Variants in WWOX observed in about 807,000 individuals in gnomAD.
The protein encoded by WWOX is WW domain-containing oxidoreductase.
A neutral mutation model predicts 46.2 loss-of-function variants in WWOX; 69 were observed. The ratio of observed to expected loss-of-function variants is 1.49; its 90% CI spans 1.23 to 1.82. The LOEUF is 1.82. WWOX is among the 40% of genes most tolerant of loss of function. WWOX has a pLI of 0.00. For synonymous variants in WWOX, 359 were observed against 202.6 expected, an observed-to-expected ratio of 1.77 and a Z score of -6.56; for missense variants, 919 against 542.6, an observed-to-expected ratio of 1.69 and a Z score of -6.89.
intron 8 of WWOX, among the ~76,000 whole-genome samples, chr16:78,726,384 C>G (rs751315833): frequency 6.6e-6 from 1 of 151,926 alleles, no homozygotes; most frequent in Non-Finnish European, 1.5e-5. Flanking sequence ...CACCACCACA[C>G]GTGGCGTATT....
At chr16:78,261,278 G>C (rs56351211) in intron 5 of WWOX, among the ~76,000 whole-genome samples, 63,966 of 142,944 alleles carry the variant, frequency 0.45, 15,318 homozygotes, top group East Asian at 0.76. Flanking sequence ...TAGATAGATA[G>C]ATAGATACAT....
rs193027041 is a variant in WWOX, at chr16:78,115,151, A to G, written c.406A>G (p.Ile136Val). Residue 136 changes from isoleucine to valine, a missense_variant, in exon 4 of 9, where the codon ATA becomes GTA. Coordinates refer to ENST00000566780, the MANE Select transcript of WWOX (RefSeq NM_016373.4). ...VVVVTGANSG[I>V]GFETAKSFAL... ...TGTGGTCACTGGAGCTAATTCAGGA[A>G]TAGGTAGGCTCTTCACTTAGTTATT... The G allele has an allele frequency of 8.3e-5, 134 of 1,614,228 alleles. No individual in the cohort carries two copies. The highest frequency in any genetic ancestry group is 6.6e-4 in the Middle Eastern group (4 of 6,062).
Position 78,318,272 on chromosome 16 carries a change from A to ATTTTTTTTTTTTTTT in WWOX, c.517-68585_517-68571dup, listed in dbSNP as rs34730954. On this transcript the variant is annotated intron_variant, in intron 5 of 8. Transcript: ENST00000566780. ...CTTAGGAGCCCTCCGTCTGGGAGGA[A>ATTTTTTTTTTTTTTT]TTTTTTTTTTTTTTTTTGGTATATC... is the stretch of plus-strand genomic sequence containing the variant. Among the ~76,000 whole-genome samples the ATTTTTTTTTTTTTTT allele has an allele frequency of 7.8e-4, 96 of 123,536 alleles. 1 individual carries two copies. The highest frequency in any genetic ancestry group is 2.7e-3 in the African/African-American group (84 of 31,218). 81.0% of individuals were successfully genotyped at this position (123,536 alleles called of 152,430 possible). A position where few individuals can be genotyped will look rare whatever the true frequency, so the allele number is the denominator to read the frequency against.
chr16:78,910,435 C>A (rs1000460541), intron 8 of WWOX, among the ~76,000 whole-genome samples: 2 of 151,768 alleles, frequency 1.3e-5, no homozygotes, highest in African/African-American at 4.8e-5. Flanking sequence ...TTCCTCACTG[C>A]AGGAGAACCT....
At chr16:78,991,429 A>G (rs2046884181) in intron 8 of WWOX, among the ~76,000 whole-genome samples, 1 of 152,014 alleles carries the variant, frequency 6.6e-6, no homozygotes, top group African/African-American at 2.4e-5. Context: ...CTTCATCTCT[A>G]TAAATAATAA....
At chr16:78,434,515 G>T (rs1161353493) in intron 8 of WWOX, among the ~76,000 whole-genome samples, 1 of 152,200 alleles carries the variant, frequency 6.6e-6, no homozygotes, top group African/African-American at 2.4e-5. Context: ...ATTTAGGAAT[G>T]GGGAGAGGAG....
chr16:78,335,693 C>T (rs897479459), intron 5 of WWOX, among the ~76,000 whole-genome samples: 1 of 152,164 alleles, frequency 6.6e-6, no homozygotes, highest in Non-Finnish European at 1.5e-5. Flanking sequence ...ACATGGAATT[C>T]ACCCAATCCG....
chr16:78,500,970 G>C (rs938618454), intron 8 of WWOX, among the ~76,000 whole-genome samples: 2 of 152,116 alleles, frequency 1.3e-5, no homozygotes, highest in African/African-American at 4.8e-5. Flanking sequence ...CTGGTGTTTA[G>C]CTTGACTTAA....
At chr16:78,304,330 G>C (rs2080094486) in intron 5 of WWOX, among the ~76,000 whole-genome samples, 1 of 152,146 alleles carries the variant, frequency 6.6e-6, no homozygotes, top group Admixed American at 6.5e-5. Context: ...TTAATGCATT[G>C]ACATTGTTCA....
Position 78,432,486 on chromosome 16 carries a change from A to T in WWOX, c.792-2A>T. ...CTTCATGTCATATTTCCTATTTTTAAGATTTACAGATATTAACGACTCCTT... is the reference window on the plus strand; with the variant it reads ...CTTCATGTCATATTTCCTATTTTTATGATTTACAGATATTAACGACTCCTT... On this transcript the variant is annotated splice_acceptor_variant, in intron 7 of 8. Coordinates refer to ENST00000566780, the MANE Select transcript of WWOX (RefSeq NM_016373.4). LOFTEE classifies it high-confidence loss of function. 1 of 1,613,474 alleles carries T rather than the reference A, an allele frequency of 6.2e-7. No individual in the cohort carries two copies. The highest frequency in any genetic ancestry group is 8.5e-7 in the Non-Finnish European group (1 of 1,179,790).
intron 8 of WWOX, among the ~76,000 whole-genome samples, chr16:78,954,900 C>G (rs567004541): frequency 7.2e-5 from 11 of 152,270 alleles, no homozygotes; most frequent in Admixed American, 3.3e-4. Context: ...AGAGATCCTC[C>G]TGCCTCAGTT....
intron 8 of WWOX, among the ~76,000 whole-genome samples, chr16:78,846,025 T>C (rs2052289851): frequency 6.6e-6 from 1 of 152,234 alleles, no homozygotes; most frequent in Non-Finnish European, 1.5e-5. Context: ...CGGGAGGCAC[T>C]GCACAGGATG....
At chr16:78,514,801 C>T (rs979068327) in intron 8 of WWOX, among the ~76,000 whole-genome samples, 1 of 152,102 alleles carries the variant, frequency 6.6e-6, no homozygotes, top group Non-Finnish European at 1.5e-5. Context: ...AATTTGTCTG[C>T]CTCCCTTCTC....
intron 8 of WWOX, among the ~76,000 whole-genome samples, chr16:78,855,168 G>A (rs1013037495): frequency 3.3e-5 from 5 of 152,142 alleles, no homozygotes; most frequent in Admixed American, 6.5e-5. Flanking sequence ...TGGGTGAGGA[G>A]AAGAGTTTGA....
chr16:79,080,124 A>T (rs1432119594), intron 8 of WWOX, among the ~76,000 whole-genome samples: 1 of 152,150 alleles, frequency 6.6e-6, no homozygotes, highest in Admixed American at 6.5e-5. Flanking sequence ...CTAACTTAGG[A>T]AAAAAGGTTA....
At chr16:78,741,459 C>T (rs1026027707) in intron 8 of WWOX, among the ~76,000 whole-genome samples, 2 of 152,150 alleles carry the variant, frequency 1.3e-5, no homozygotes, top group Non-Finnish European at 2.9e-5. Context: ...ACTCGGGAGG[C>T]TGAGGCAGGA....
intron 8 of WWOX, among the ~76,000 whole-genome samples, chr16:79,179,569 G>C (rs758692721): frequency 7.2e-5 from 11 of 152,240 alleles, no homozygotes; most frequent in Non-Finnish European, 1.5e-4. Flanking sequence ...AATGATGTTA[G>C]AATCTAGGTG....
intron 8 of WWOX, among the ~76,000 whole-genome samples, chr16:78,809,464 A>T (rs950754816): frequency 4.6e-5 from 7 of 152,130 alleles, no homozygotes; most frequent in African/African-American, 1.4e-4. Flanking sequence ...TTTCAGGTTA[A>T]TATTAAAGTT....
At chr16:78,785,145 C>G (rs949348387) in intron 8 of WWOX, among the ~76,000 whole-genome samples, 2 of 152,172 alleles carry the variant, frequency 1.3e-5, no homozygotes, top group African/African-American at 4.8e-5. Flanking sequence ...AAACTAAAAA[C>G]AATAACCAAG....
Sources: allele counts gnomAD v4.1 joint callset (sites outside exome capture counted in the v4.1 genomes callset), GRCh38; gene constraint gnomAD v4.1.1; transcripts MANE v1.5; gene names NCBI Gene and HGNC (gene_info 2026-07-23, HGNC 2026-07-21).